The following XDH variants were observed in gnomAD, a reference collection of about 807,000 sequenced individuals.
XDH encodes xanthine dehydrogenase/oxidase.
In XDH, 138 loss-of-function variants were observed where a neutral mutation model predicts 156.1. That is an observed-to-expected ratio of 0.88 (90% CI 0.77 to 1.02). The LOEUF (loss-of-function observed/expected upper bound fraction) is 1.02, where lower values mean the gene tolerates loss of function less well. Ranked by LOEUF, XDH falls within the 50% of genes least tolerant of loss-of-function variation. XDH has a pLI of 0.00. For synonymous variants in XDH, 669 were observed against 625.7 expected, an observed-to-expected ratio of 1.07 and a Z score of -1.03; for missense variants, 1,849 against 1,684.9, an observed-to-expected ratio of 1.10 and a Z score of -1.71.
chr2:31,356,286 A>G (rs1485650290), intron 24 of XDH, among the ~76,000 whole-genome samples: 1 of 152,228 alleles, frequency 6.6e-6, no homozygotes, highest in African/African-American at 2.4e-5. Flanking sequence ...TATTTATAGC[A>G]CATTATACAT....
At position 31,344,677 on chromosome 2, in the gene XDH, T is replaced by G; in HGVS notation, c.3404+7A>C. ...TATGAGCTGGGCAAGGACAACACCATACTTACCTATAAAACCCAGTGGCAG... is the reference window on the plus strand; with the variant it reads ...TATGAGCTGGGCAAGGACAACACCAGACTTACCTATAAAACCCAGTGGCAG... On this transcript the variant is annotated splice_region_variant and intron_variant, in intron 31 of 35. Transcript: ENST00000379416. 1 of 1,614,102 alleles carries G rather than the reference T, an allele frequency of 6.2e-7. No homozygotes were observed. Among genetic ancestry groups the G allele is most frequent in the South Asian group, 1.1e-5 (1 of 91,072 alleles).
intron 13 of XDH, among the ~76,000 whole-genome samples, chr2:31,377,508 G>C (rs1686276596): frequency 6.6e-6 from 1 of 152,166 alleles, no homozygotes; most frequent in Non-Finnish European, 1.5e-5. Context: ...GTAGAACTGG[G>C]TGGTCTCCAT....
rs771484505 is a variant in XDH, at chr2:31,372,377, A to C, written c.1707T>G (p.Ser569=). 8 of 1,613,960 alleles carry C rather than the reference A, an allele frequency of 5.0e-6. No homozygotes were observed. The highest frequency in any genetic ancestry group is 6.8e-6 in the Non-Finnish European group (8 of 1,180,040). ...QLFQEVPKGQ[S]EEDMVGRPLP... ...GGGGCCGGCCCACCATGTCCTCCTC[A>C]GACTGACCCTTGGGCACCTCCTGGA... Residue 569 remains serine, a synonymous_variant, in exon 17 of 36, where the codon TCT becomes TCG. Transcript: ENST00000379416.
At chr2:31,409,281 A>T (rs1469383739) in intron 1 of XDH, among the ~76,000 whole-genome samples, 1 of 152,224 alleles carries the variant, frequency 6.6e-6, no homozygotes, top group Non-Finnish European at 1.5e-5. Context: ...AAAAATAACT[A>T]AAAAAGTATA....
rs1027367419 is a variant in XDH, at chr2:31,374,075, G to A, written c.1603-119C>T. 19 of 1,012,266 alleles carry A rather than the reference G, an allele frequency of 1.9e-5. 1 individual carries two copies. The highest frequency in any genetic ancestry group is 2.2e-4 in the Middle Eastern group (1 of 4,538). The allele number at this position is 1,012,266 out of a possible 1,614,324, so 62.7% of individuals were successfully genotyped here. A position where few individuals can be genotyped will look rare whatever the true frequency, so the allele number is the denominator to read the frequency against. On this transcript the variant is annotated intron_variant, in intron 15 of 35. Transcript: ENST00000379416. ...ATCCCCTTGTCTCTTCACTTCATAC[G>A]CCTTTGAGTGCTGGCTGGATCTCTC...
At chr2:31,383,734 T>A in intron 10 of XDH, 21 bp downstream of exon 10, 2 of 1,610,974 alleles carry the variant, frequency 1.2e-6, no homozygotes, top group Non-Finnish European at 1.7e-6. Context: ...CTCCATAAGC[T>A]TGGAGTGAAC....
rs1684958255 is a variant in XDH at position 31,335,904 on chromosome 2, T to G, written c.*54A>C. 5.1e-6 allele frequency: 8 copies of G among 1,581,122 alleles called. No individual in the cohort carries two copies. In the South Asian group the frequency reaches 8.9e-5, roughly 17 times the overall value. The stretch of plus-strand genomic sequence containing the variant: ...TCCATGTTCTGTGGTATGTTCCTCC[T>G]GCTCCATGGAAGCCCAAAGGCAGCA... On this transcript the variant is annotated 3_prime_UTR_variant, in exon 36 of 36. Coordinates refer to ENST00000379416, the MANE Select transcript of XDH (RefSeq NM_000379.4).
intron 6 of XDH, among the ~76,000 whole-genome samples, chr2:31,390,279 C>G (rs575188990): frequency 5.3e-4 from 81 of 152,298 alleles, no homozygotes; most frequent in African/African-American, 1.8e-3. Context: ...TATGTAGCTT[C>G]TAAAGATTGA....
Position 31,339,141 on chromosome 2 carries a change from C to G in XDH, c.3774+348G>C, listed in dbSNP as rs542718988. Among the ~76,000 whole-genome samples, 6 of 152,198 alleles carry G rather than the reference C, an allele frequency of 3.9e-5. No homozygotes were observed. In the South Asian group the frequency reaches 1.2e-3, roughly 32 times the overall value. ...GTCATTGGACCATACTAATGCTGTA[C>G]CTGTAAAATCATCTCTTAGGATCAA... is the stretch of plus-strand genomic sequence containing the variant. On this transcript the variant is annotated intron_variant, in intron 34 of 35. Coordinates refer to ENST00000379416, the MANE Select transcript of XDH (RefSeq NM_000379.4).
intron 31 of XDH, among the ~76,000 whole-genome samples, chr2:31,343,531 G>GTATAAGGCATATATCTATGCCTTA (rs1685196458): frequency 8.3e-6 from 1 of 119,794 alleles, no homozygotes; most frequent in Non-Finnish European, 1.8e-5. Context: ...ATACATATAT[G>GTATAAGGCATATATCTATGCCTTA]TATAAGGCAT....
intron 9 of XDH, among the ~76,000 whole-genome samples, chr2:31,386,075 A>G (rs1212686006): frequency 6.6e-6 from 1 of 152,198 alleles, no homozygotes; most frequent in Non-Finnish European, 1.5e-5. Flanking sequence ...AGAGAAGTCA[A>G]CTACATGCAA....
chr2:31,373,452 C>T (rs2148773099), intron 16 of XDH, among the ~76,000 whole-genome samples: 1 of 152,286 alleles, frequency 6.6e-6, no homozygotes, highest in African/African-American at 2.4e-5. Context: ...AACCATCTGG[C>T]CCACAAAATC....
intron 3 of XDH, 43 bp from the exon 4 acceptor site, chr2:31,401,371 G>T: frequency 6.2e-7 from 1 of 1,603,434 alleles, no homozygotes; most frequent in Non-Finnish European, 8.5e-7. Flanking sequence ...TGTCCACTCA[G>T]ATCATCAGAA....
chr2:31,367,046 C>T, intron 20 of XDH, 52 bp from the exon 21 acceptor site: 4 of 1,613,582 alleles, frequency 2.5e-6, no homozygotes, highest in Non-Finnish European at 3.4e-6. Context: ...CAGAAGGGGC[C>T]AGCTTGCCTA....
Position 31,342,187 on chromosome 2 carries a change from T to C in XDH, c.3515A>G (p.His1172Arg), listed in dbSNP as rs775739591. ...EVEIDCLTGDHKNLRTDIVMD... is the reference protein window; with the variant it reads ...EVEIDCLTGDRKNLRTDIVMD... ...AAAGTTTTGCAAACTTCTTACCTTA[T>C]GATCTCCTGTTAGGCAGTCGATTTC... Residue 1172 changes from histidine (H) to arginine (R), a missense_variant, in exon 32 of 36, where the codon CAT (histidine) becomes CGT (arginine). Transcript: ENST00000379416. 1.2e-6 allele frequency: 2 copies of C among 1,614,016 alleles called. No homozygotes were observed. The highest frequency in any genetic ancestry group is 1.1e-5 in the South Asian group (1 of 91,080).
At chr2:31,400,169 G>A (rs986974208) in intron 4 of XDH, among the ~76,000 whole-genome samples, 3 of 151,384 alleles carry the variant, frequency 2.0e-5, no homozygotes, top group Non-Finnish European at 4.4e-5. Context: ...CAGCTCCATC[G>A]CCTGAATGAC....
chr2:31,369,518 T>C (rs1686014071), intron 18 of XDH, among the ~76,000 whole-genome samples: 1 of 152,150 alleles, frequency 6.6e-6, no homozygotes, highest in Admixed American at 6.5e-5. Context: ...AGTATGCATG[T>C]CTCTGATAAT....
intron 24 of XDH, among the ~76,000 whole-genome samples, chr2:31,358,797 C>A (rs1048254674): frequency 1.3e-5 from 2 of 152,100 alleles, no homozygotes; most frequent in Admixed American, 6.5e-5. Flanking sequence ...AACAAACAAA[C>A]AAAACCCTAC....
chr2:31,367,842 T>G, intron 20 of XDH, 119 bp downstream of exon 20: 2 of 989,058 alleles, frequency 2.0e-6, no homozygotes, highest in Admixed American at 1.7e-5. Flanking sequence ...TAAGAGGGAA[T>G]CTTCTGTCAG....
Sources: allele counts gnomAD v4.1 joint callset (sites outside exome capture counted in the v4.1 genomes callset), GRCh38; gene constraint gnomAD v4.1.1; transcripts MANE v1.5; gene names NCBI Gene and HGNC (gene_info 2026-07-23, HGNC 2026-07-21).